Variants in RAB44 observed in about 807,000 individuals in gnomAD.
RAB44 encodes the protein RAB44, member RAS oncogene family, also known as ras-related protein Rab-44.
A neutral mutation model predicts 93.3 loss-of-function variants in RAB44; 67 were observed. The ratio of observed to expected loss-of-function variants is 0.72; its 90% CI spans 0.59 to 0.88. The LOEUF (loss-of-function observed/expected upper bound fraction) is 0.88. RAB44 is among the 40% of genes least tolerant of loss of function. The pLI, the probability that RAB44 is intolerant of heterozygous loss-of-function variation, is 0.00. For missense variants in RAB44, 1,064 were observed against 1,261.7 expected (o/e 0.84, Z 2.37); for synonymous variants, 427 against 520.3 (o/e 0.82, Z 2.44).
chr6:36,704,194 G>A lies in RAB44; in HGVS notation c.-12-30G>A, dbSNP rs1356488264. The A allele has an allele frequency of 2.6e-6, 4 of 1,512,862 alleles. No homozygotes were observed. The Admixed American group carries it at 7.9e-5, about 30-fold the overall frequency. The allele number at this position is 1,512,862 out of a possible 1,614,324, so 93.7% of individuals were successfully genotyped here. A position where few individuals can be genotyped will look rare whatever the true frequency, so the allele number is the denominator to read the frequency against. Reference sequence around the variant, plus strand: ...CATGAGAGGGCGTGACTGTCCAGCAGCCCGGTGCCCCTCACTCCTCTGTCC... The same window carrying A: ...CATGAGAGGGCGTGACTGTCCAGCAACCCGGTGCCCCTCACTCCTCTGTCC... On this transcript the variant is annotated intron_variant, in intron 1 of 13. Transcript: ENST00000612677.
At position 36,717,454 on chromosome 6, in the gene RAB44, A is replaced by G. The variant is rs1762950449; in HGVS notation, c.641+35A>G. On this transcript the variant is annotated intron_variant, in intron 5 of 13. Transcript: ENST00000612677. This position sits in a 1 kb window ranked among gnomAD's most constrained non-coding sequence, Gnocchi z 4.1. ...GGGCCTGGCCGGGTGTCTGATACGA[A>G]GTAGGTGCTCTTCACATTCCAGTGG... 6 of 1,231,722 alleles carry G rather than the reference A, an allele frequency of 4.9e-6. No individual in the cohort carries two copies. 76.3% of individuals were successfully genotyped at this position (1,231,722 alleles called of 1,614,324 possible). A position where few individuals can be genotyped will look rare whatever the true frequency, so the allele number is the denominator to read the frequency against.
intron 9 of RAB44, among the ~76,000 whole-genome samples, chr6:36,723,725 C>T (rs915174396): frequency 6.6e-6 from 1 of 150,708 alleles, no homozygotes; most frequent in Middle Eastern, 3.4e-3. Context: ...GTCCCAGCTA[C>T]TCGGGAGGCT....
chr6:36,728,698 A>C lies in RAB44; in HGVS notation c.2797-2A>C, dbSNP rs1245258910. ...GGCTGACAGAACATGTTCTGTGTGC[A>C]GGATGCAGGGTCGGATGGGGTGGTC... On this transcript the variant is annotated splice_acceptor_variant, in intron 11 of 13. Coordinates refer to ENST00000612677, the MANE Select transcript of RAB44 (RefSeq NM_001257357.2). LOFTEE classifies it high-confidence loss of function. 1.3e-6 allele frequency: 2 copies of C among 1,550,222 alleles called. No individual in the cohort carries two copies. The highest frequency in any genetic ancestry group is 1.7e-6 in the Non-Finnish European group (2 of 1,146,624).
chr6:36,712,457 C>T (rs1236232574), intron 2 of RAB44, among the ~76,000 whole-genome samples: 3 of 152,092 alleles, frequency 2.0e-5, no homozygotes, highest in Non-Finnish European at 4.4e-5. Flanking sequence ...CTCCTTCTCC[C>T]GGTTTCAAGT....
chr6:36,718,850 T>C (rs1022581635), intron 7 of RAB44, among the ~76,000 whole-genome samples: 2 of 152,100 alleles, frequency 1.3e-5, no homozygotes, highest in Non-Finnish European at 2.9e-5. Flanking sequence ...GCAGGTCTTA[T>C]AGCCTGTAGT....
At chr6:36,699,791 C>T (rs1170227038) in intron 1 of RAB44, among the ~76,000 whole-genome samples, 1 of 152,244 alleles carries the variant, frequency 6.6e-6, no homozygotes, top group African/African-American at 2.4e-5. Flanking sequence ...CTGCATGGAA[C>T]CTGGCTTTTA....
At position 36,721,327 on chromosome 6, in the gene RAB44, C is replaced by T. The variant is rs1763073194; in HGVS notation, c.1193C>T (p.Thr398Ile). The T allele has an allele frequency of 4.1e-6, 5 of 1,233,680 alleles. No individual in the cohort carries two copies. In the East Asian group the frequency reaches 1.6e-4, roughly 39 times the overall value. The allele number at this position is 1,233,680 out of a possible 1,614,324, so 76.4% of individuals were successfully genotyped here. A position where few individuals can be genotyped will look rare whatever the true frequency, so the allele number is the denominator to read the frequency against. The change falls in exon 9 of 14, where the codon ACC becomes ATC. Residue 398 changes from threonine (T) to isoleucine (I), a missense_variant. Coordinates refer to ENST00000612677, the MANE Select transcript of RAB44 (RefSeq NM_001257357.2). ...AGCCCGCCCCCGACCCCAAGAGCCACCTCAGGCCCCCAGACACCCCGTGTG... is the reference window on the plus strand; with the variant it reads ...AGCCCGCCCCCGACCCCAAGAGCCATCTCAGGCCCCCAGACACCCCGTGTG... ...CWSPPPTPRATSGPQTPRVVR... is the reference protein window; with the variant it reads ...CWSPPPTPRAISGPQTPRVVR...
rs1763336491 is a variant in RAB44, at chr6:36,730,570, A to T, written c.2899-103A>T. On this transcript the variant is annotated intron_variant, in intron 12 of 13. Coordinates refer to ENST00000612677, the MANE Select transcript of RAB44 (RefSeq NM_001257357.2). Reference sequence around the variant, plus strand: ...GCTCGCCACTGAGGTCAGCTTAGGGATGCATTGGGACTCTGATGGCCGGGA... The same window carrying T: ...GCTCGCCACTGAGGTCAGCTTAGGGTTGCATTGGGACTCTGATGGCCGGGA... The T allele has an allele frequency of 6.5e-6, 4 of 615,288 alleles. 1 individual carries two copies. In the South Asian group the frequency reaches 3.3e-4, roughly 51 times the overall value. 38.1% of individuals were successfully genotyped at this position (615,288 alleles called of 1,614,324 possible). A position where few individuals can be genotyped will look rare whatever the true frequency, so the allele number is the denominator to read the frequency against.
chr6:36,732,139 G>A lies in RAB44; in HGVS notation c.*46G>A. The stretch of plus-strand genomic sequence containing the variant: ...AGGATGGACACCCATGGGGTTTCCT[G>A]TCCCTCAGCTCCTGTCCTTTGTTCC... On this transcript the variant is annotated 3_prime_UTR_variant, in exon 14 of 14. Transcript: ENST00000612677. The A allele has an allele frequency of 8.7e-7, 1 of 1,144,890 alleles. No homozygotes were observed. The highest frequency in any genetic ancestry group is 4.4e-5 in the South Asian group (1 of 22,586). The allele number at this position is 1,144,890 out of a possible 1,614,324, so 70.9% of individuals were successfully genotyped here.
intron 9 of RAB44, among the ~76,000 whole-genome samples, chr6:36,723,558 G>A (rs911667789): frequency 1.1e-4 from 16 of 152,098 alleles, no homozygotes; most frequent in Admixed American, 3.9e-4. Flanking sequence ...AAACCCAGCC[G>A]GGCGCAGTGG....
intron 1 of RAB44, among the ~76,000 whole-genome samples, chr6:36,701,651 C>G (rs1466559235): frequency 6.6e-6 from 1 of 152,148 alleles, no homozygotes; most frequent in Non-Finnish European, 1.5e-5. Context: ...CAGTGCTCTC[C>G]CAGCACCTGA....
intron 1 of RAB44, among the ~76,000 whole-genome samples, chr6:36,698,458 C>A (rs1256705515): frequency 6.6e-6 from 1 of 152,186 alleles, no homozygotes; most frequent in Non-Finnish European, 1.5e-5. Context: ...GGTGGGCAGC[C>A]TGTGGTGCCT....
Position 36,728,894 on chromosome 6 carries a change from C to T in RAB44, c.2898+93C>T, listed in dbSNP as rs996124184. The stretch of plus-strand genomic sequence containing the variant: ...ATAGGCATCACCTGACCTGGGCAGC[C>T]GAGAAGAACCCGTGGCCCATTCCTG... On this transcript the variant is annotated intron_variant, in intron 12 of 13. Transcript: ENST00000612677. The T allele has an allele frequency of 4.7e-5, 49 of 1,037,024 alleles. No homozygotes were observed. The African/African-American group carries it at 6.0e-4, about 13-fold the overall frequency. The allele number at this position is 1,037,024 out of a possible 1,614,324, so 64.2% of individuals were successfully genotyped here.
intron 1 of RAB44, among the ~76,000 whole-genome samples, chr6:36,701,220 C>A (rs181977865): frequency 1.3e-5 from 2 of 152,166 alleles, no homozygotes; most frequent in Admixed American, 1.3e-4. Flanking sequence ...AGTGATTGTC[C>A]CACCTCAATC....
At chr6:36,704,042 G>T (rs1257080473) in intron 1 of RAB44, among the ~76,000 whole-genome samples, 182 bp from the exon 2 acceptor site, 1 of 152,224 alleles carries the variant, frequency 6.6e-6, no homozygotes, top group Admixed American at 6.5e-5. Context: ...GAGCAGAATG[G>T]ACGAGAGGCC....
At chr6:36,704,503 C>T in intron 2 of RAB44, 61 bp downstream of exon 2, 1 of 1,466,562 alleles carries the variant, frequency 6.8e-7, no homozygotes, top group Non-Finnish European at 9.2e-7. Flanking sequence ...GACACCCCCT[C>T]TCCCCCATCA....
chr6:36,709,527 C>G (rs1260956506), intron 2 of RAB44, among the ~76,000 whole-genome samples: 1 of 151,964 alleles, frequency 6.6e-6, no homozygotes, highest in Non-Finnish European at 1.5e-5. Flanking sequence ...AGTAAAGCCT[C>G]AAGCATCTGT....
rs1183572254 is a variant in RAB44 at position 36,720,540 on chromosome 6, G to A, written c.1006G>A (p.Glu336Lys). 5.7e-6 allele frequency: 7 copies of A among 1,233,970 alleles called. No homozygotes were observed. Among genetic ancestry groups the A allele is most frequent in the Non-Finnish European group, 7.1e-6 (7 of 988,182 alleles). The allele number at this position is 1,233,970 out of a possible 1,614,324, so 76.4% of individuals were successfully genotyped here. Reference sequence around the variant, plus strand: ...GGGCCGGGTGTCCTGGCAGGTGGAGGAGAAACTGAGGCAAGTGGCTGCTAT... The same window carrying A: ...GGGCCGGGTGTCCTGGCAGGTGGAGAAGAAACTGAGGCAAGTGGCTGCTAT... ...ARGRVSWQVE[E>K]KLSFPGAGEK... Residue 336 changes from glutamate (E) to lysine (K), a missense_variant, in exon 8 of 14, where the codon GAG becomes AAG. By Grantham distance (56) the Glu-to-Lys change is moderately conservative. Transcript: ENST00000612677.
rs752466771 is a variant in RAB44 at position 36,722,791 on chromosome 6, C to T, written c.2599+58C>T. ...GGAGAGACGCAGGGGCCAGGGCCAA[C>T]GAGTGAGAGCGGGCCCAGACCAAGC... On this transcript the variant is annotated intron_variant, in intron 9 of 13. Coordinates refer to ENST00000612677, the MANE Select transcript of RAB44 (RefSeq NM_001257357.2). 119 of 1,538,888 alleles carry T rather than the reference C, an allele frequency of 7.7e-5. 1 individual carries two copies. The highest frequency in any genetic ancestry group is 2.0e-4 in the Admixed American group (10 of 50,654).
Sources: allele counts gnomAD v4.1 joint callset (sites outside exome capture counted in the v4.1 genomes callset), GRCh38; gene constraint gnomAD v4.1.1; non-coding constraint Gnocchi (gnomAD v3.1); transcripts MANE v1.5; gene names NCBI Gene and HGNC (gene_info 2026-07-23, HGNC 2026-07-21).